Variants in SYNE2 observed in about 807,000 individuals in gnomAD.
The protein encoded by SYNE2 is nesprin-2.
A neutral mutation model predicts 856.3 loss-of-function variants in SYNE2; 431 were observed. The observed-to-expected ratio is 0.50, with a 90% confidence interval of 0.47 to 0.55. The LOEUF (loss-of-function observed/expected upper bound fraction) is 0.55, where lower values mean the gene tolerates loss of function less well. Among genes scored for constraint, SYNE2 ranks in the 20% least tolerant of loss-of-function variants. SYNE2 has a pLI of 0.00. For synonymous variants in SYNE2, 2,923 were observed against 2,872.3 expected, an observed-to-expected ratio of 1.02 and a Z score of -0.56; for missense variants, 8,129 against 8,023.2, an observed-to-expected ratio of 1.01 and a Z score of -0.50.
intron 56 of SYNE2, 64 bp downstream of exon 56, chr14:64,080,702 A>G (rs2097514288): frequency 1.3e-6 from 2 of 1,575,300 alleles, no homozygotes; most frequent in Admixed American, 1.7e-5. Flanking sequence ...TTAAAGCAAA[A>G]CAATATATTC....
intron 70 of SYNE2, among the ~76,000 whole-genome samples, chr14:64,123,215 A>C (rs1317563301): frequency 6.6e-6 from 1 of 152,170 alleles, no homozygotes; most frequent in Non-Finnish European, 1.5e-5. Flanking sequence ...GCACTGGCCA[A>C]TCGGTGTTCC....
chr14:63,872,299 A>T (rs1448298120), intron 1 of SYNE2, among the ~76,000 whole-genome samples: 3 of 151,968 alleles, frequency 2.0e-5, no homozygotes, highest in African/African-American at 7.2e-5. Context: ...GCATGGTGGC[A>T]CACGCCTGTA....
In SYNE2 at chr14:64,188,992, TGTC is replaced by T. The variant is rs1349968132; in HGVS notation, c.17871+285_17871+287del. 5 of 702,376 alleles carry T rather than the reference TGTC, an allele frequency of 7.1e-6. No individual in the cohort carries two copies. In the Admixed American group the frequency reaches 1.0e-4, roughly 14 times the overall value. The allele number at this position is 702,376 out of a possible 1,614,324, so 43.5% of individuals were successfully genotyped here. A position where few individuals can be genotyped will look rare whatever the true frequency, so the allele number is the denominator to read the frequency against. On this transcript the variant is annotated intron_variant, in intron 98 of 115. Coordinates refer to ENST00000555002, the MANE Select transcript of SYNE2 (RefSeq NM_182914.3). ...GGGAAGGGGCTTACATATCCTTACA[TGTC>T]AGCTGATACCCCAAGTGAGTTAGGG...
chr14:63,949,724 G>A, intron 6 of SYNE2, 101 bp from the exon 7 acceptor site: 1 of 1,175,760 alleles, frequency 8.5e-7, no homozygotes. Context: ...AACTATGACT[G>A]TCACAGGATG....
chr14:63,898,018 AT>A (rs2095281375), intron 1 of SYNE2, among the ~76,000 whole-genome samples: 1 of 152,182 alleles, frequency 6.6e-6, no homozygotes, highest in Non-Finnish European at 1.5e-5. Context: ...TTGTCTTATC[AT>A]GAGCTGCTTT....
intron 45 of SYNE2, among the ~76,000 whole-genome samples, chr14:64,035,853 C>A (rs951748131): frequency 2.0e-4 from 30 of 151,382 alleles, no homozygotes; most frequent in Non-Finnish European, 4.0e-4. Flanking sequence ...ATCACAATGC[C>A]CAGCTAATTT....
chr14:64,083,364 A>G (rs1409494155), intron 57 of SYNE2, among the ~76,000 whole-genome samples: 4 of 151,334 alleles, frequency 2.6e-5, no homozygotes, highest in Non-Finnish European at 5.9e-5. Context: ...AGAGAGAGGA[A>G]TGATGCTTTT....
At chr14:63,911,865 T>C (rs942217382) in intron 2 of SYNE2, among the ~76,000 whole-genome samples, 1 of 152,218 alleles carries the variant, frequency 6.6e-6, no homozygotes, top group Admixed American at 6.5e-5. Context: ...AAATGAGTGG[T>C]TTCTTATAGC....
Position 64,224,468 on chromosome 14 carries a change from C to T in SYNE2, c.20390C>T (p.Ala6797Val), listed in dbSNP as rs377017805. ...TTGGGGTCTGAATTTCAGAACCCAG[C>T]CTCACCCCTGCCCAGCTTCGACGAG... is the stretch of plus-strand genomic sequence containing the variant. The part of the protein sequence containing the change: ...LMALQGTQNP[A>V]SPLPSFDEVD... The change falls in exon 114 of 116, where the codon GCC (alanine) becomes GTC (valine). Residue 6797 changes from alanine (A) to valine (V), a missense_variant. Around this residue, in one of 3 missense-constraint regions of SYNE2, gnomAD observed 5,410 missense variants for 5,284.8 expected, o/e 1.02. Coordinates refer to ENST00000555002, the MANE Select transcript of SYNE2 (RefSeq NM_182914.3). 2.5e-6 allele frequency: 4 copies of T among 1,611,710 alleles called. No homozygotes were observed. The highest frequency in any genetic ancestry group is 1.1e-5 in the South Asian group (1 of 91,038).
intron 1 of SYNE2, among the ~76,000 whole-genome samples, chr14:63,886,060 C>T (rs1027575773): frequency 6.6e-6 from 1 of 152,150 alleles, no homozygotes; most frequent in Non-Finnish European, 1.5e-5. Context: ...TGATTGAGCC[C>T]TACCCCACCT....
rs2027094 is a variant in SYNE2, at chr14:64,198,040, C to A, written c.18039-4761C>A. Among the ~76,000 whole-genome samples the A allele has an allele frequency of 4.6e-3, 699 of 152,166 alleles. 4 individuals are homozygous for A. The highest frequency in any genetic ancestry group is 8.1e-3 in the Non-Finnish European group (554 of 67,996). ...AAGAGCCTATGCAGGTGGAAGACTT[C>A]GCTTTTGTACCTAAAAATTTTGTTT... is the stretch of plus-strand genomic sequence containing the variant. On this transcript the variant is annotated intron_variant, in intron 99 of 115. Coordinates refer to ENST00000555002, the MANE Select transcript of SYNE2 (RefSeq NM_182914.3).
At position 64,129,854 on chromosome 14, in the gene SYNE2, A is replaced by T. The variant is rs762755599; in HGVS notation, c.14092A>T (p.Arg4698Trp). 1.9e-6 allele frequency: 3 copies of T among 1,614,126 alleles called. No homozygotes were observed. In the South Asian group the frequency reaches 3.3e-5, roughly 18 times the overall value. Reference sequence around the variant, plus strand: ...GGCCAAACTAAGAGATGAAGGGGAGAGGCTTCATTTACCTTATGCTTTACT... The same window carrying T: ...GGCCAAACTAAGAGATGAAGGGGAGTGGCTTCATTTACCTTATGCTTTACT... ...RVAKLRDEGE[R>W]LHLPYALLQE... is the part of the protein sequence containing the mutation. Residue 4698 changes from arginine (R) to tryptophan (W), a missense_variant, in exon 75 of 116, where the codon AGG (arginine) becomes TGG (tryptophan). By Grantham distance (101) the Arg-to-Trp change is moderately radical. Coordinates refer to ENST00000555002, the MANE Select transcript of SYNE2 (RefSeq NM_182914.3).
intron 1 of SYNE2, among the ~76,000 whole-genome samples, chr14:63,791,345 TAAC>T (rs1326624271): frequency 6.6e-6 from 1 of 152,196 alleles, no homozygotes; most frequent in African/African-American, 2.4e-5. Context: ...AATGCAAATG[TAAC>T]AACATTTCCT....
intron 23 of SYNE2, among the ~76,000 whole-genome samples, chr14:63,995,890 G>A (rs552560864): frequency 3.3e-5 from 5 of 152,088 alleles, no homozygotes; most frequent in Non-Finnish European, 7.3e-5. Flanking sequence ...TGCTTTTGAA[G>A]AAGGGGTCTC....
At chr14:63,801,398 G>A (rs1264166824) in intron 1 of SYNE2, among the ~76,000 whole-genome samples, 6 of 152,130 alleles carry the variant, frequency 3.9e-5, no homozygotes, top group South Asian at 2.1e-4. Context: ...TAAACTGGGC[G>A]TGGTGGCTCA....
chr14:63,928,440 C>T (rs1407352968), intron 2 of SYNE2, among the ~76,000 whole-genome samples: 1 of 152,212 alleles, frequency 6.6e-6, no homozygotes, highest in Admixed American at 6.5e-5. Context: ...TCTATTGATT[C>T]AATAAGTGAG....
At chr14:64,117,815 G>A (rs921515361) in intron 66 of SYNE2, among the ~76,000 whole-genome samples, 1 of 152,138 alleles carries the variant, frequency 6.6e-6, no homozygotes, top group Non-Finnish European at 1.5e-5. Context: ...CCTCTACTAA[G>A]TAACTAATGA....
At chr14:63,994,111 C>A in intron 22 of SYNE2, 142 bp downstream of exon 22, 1 of 822,252 alleles carries the variant, frequency 1.2e-6, no homozygotes, top group South Asian at 1.6e-5. Flanking sequence ...TCCCAGGGTT[C>A]ATACAGAGTT....
chr14:64,147,224 C>T (rs964204619), intron 84 of SYNE2, among the ~76,000 whole-genome samples: 5 of 152,152 alleles, frequency 3.3e-5, no homozygotes, highest in African/African-American at 1.2e-4. Context: ...CAGTCTGTCT[C>T]GGTCAGGCCG....
Sources: allele counts gnomAD v4.1 joint callset (sites outside exome capture counted in the v4.1 genomes callset), GRCh38; gene constraint gnomAD v4.1.1; regional missense constraint gnomAD v4.1.1; transcripts MANE v1.5; gene names NCBI Gene and HGNC (gene_info 2026-07-23, HGNC 2026-07-21).